SPON2: variants seen among roughly 807,000 people sequenced by gnomAD.
SPON2 encodes the protein spondin 2.
In SPON2, 32 loss-of-function variants were observed where a neutral mutation model predicts 29.9. The ratio of observed to expected loss-of-function variants is 1.07; its 90% CI spans 0.81 to 1.44. The LOEUF is 1.44. Ranked by LOEUF, SPON2 falls within the 40% of genes most tolerant of loss-of-function variation. SPON2 has a pLI of 0.00. For synonymous variants in SPON2, 248 were observed against 209.1 expected, an observed-to-expected ratio of 1.19 and a Z score of -1.61; for missense variants, 541 against 455.5, an observed-to-expected ratio of 1.19 and a Z score of -1.71.
intron 1 of SPON2, among the ~76,000 whole-genome samples, chr4:1,184,344 T>A (rs1250696689): frequency 1.3e-5 from 2 of 152,090 alleles, no homozygotes; most frequent in African/African-American, 2.4e-5. Flanking sequence ...TACACACACA[T>A]AATTCAGCTC....
chr4:1,168,072 T>C (rs1284200089), intron 5 of SPON2: 1 of 177,568 alleles, frequency 5.6e-6, no homozygotes, highest in Non-Finnish European at 1.2e-5. Context: ...ATTAGCTGTC[T>C]TGCGGGACCT....
chr4:1,171,109 A>G lies in SPON2; in HGVS notation c.526T>C (p.Trp176Arg). ...AGGTCCAGCGCCGCCTGTTCCCGCC[A>G]ACGGTCCCCGTCGCACAGGTCCAGG... Reference protein sequence around the residue: ...DSLDLCDGDRWREQAALDLYP... With the variant: ...DSLDLCDGDRRREQAALDLYP... Residue 176 changes from tryptophan (W) to arginine (R), a missense_variant, in exon 4 of 6, where the codon TGG (tryptophan) becomes CGG (arginine). Coordinates refer to ENST00000290902, the MANE Select transcript of SPON2 (RefSeq NM_012445.4). 1 of 1,551,220 alleles carries G rather than the reference A, an allele frequency of 6.4e-7. No individual in the cohort carries two copies. The highest frequency in any genetic ancestry group is 8.7e-7 in the Non-Finnish European group (1 of 1,147,216).
intron 1 of SPON2, among the ~76,000 whole-genome samples, chr4:1,186,013 G>A (rs1258080066): frequency 6.6e-6 from 1 of 151,158 alleles, no homozygotes; most frequent in East Asian, 2.0e-4. Flanking sequence ...GGGAGGCCGA[G>A]GCGGGCGGAT....
At chr4:1,204,387 A>T (rs1391550727) in intron 1 of SPON2, among the ~76,000 whole-genome samples, 2 of 151,022 alleles carry the variant, frequency 1.3e-5, no homozygotes, top group East Asian at 1.9e-4. Flanking sequence ...ACGGGCACTG[A>T]CTGTCTGCAG....
chr4:1,172,294 G>A, intron 1 of SPON2: 2 of 593,532 alleles, frequency 3.4e-6, no homozygotes, highest in Non-Finnish European at 6.0e-6. Context: ...GCGACCAGGG[G>A]TAACGGGCAG....
At chr4:1,174,498 A>C (rs1460397969), upstream of SPON2, among the ~76,000 whole-genome samples, 8 of 150,008 alleles carry the variant, frequency 5.3e-5, no homozygotes, top group South Asian at 4.2e-4. Flanking sequence ...AAAAAAAAAA[A>C]AAAACAAAAA....
At chr4:1,179,132 G>A (rs1330303344) in intron 2 of SPON2, among the ~76,000 whole-genome samples, 2 of 152,320 alleles carry the variant, frequency 1.3e-5, no homozygotes, top group East Asian at 3.9e-4. Context: ...TCATCCCCCT[G>A]CTCTTCTCTG....
rs563742194 is a variant in SPON2 at position 1,172,088 on chromosome 4, G to A, written c.-3-14C>T. The A allele has an allele frequency of 1.9e-6, 3 of 1,606,450 alleles. 1 individual carries two copies. Among genetic ancestry groups the A allele is most frequent in the Middle Eastern group, 2.1e-4 (1 of 4,754 alleles). On this transcript the variant is annotated splice_polypyrimidine_tract_variant and intron_variant, in intron 1 of 5. Coordinates refer to ENST00000290902, the MANE Select transcript of SPON2 (RefSeq NM_012445.4). Reference sequence around the variant, plus strand: ...GTTTTCCATCACCTGGGAGCACAGAGGGGAGCAGCCGCGCGCTGGCACCGT... The same window carrying A: ...GTTTTCCATCACCTGGGAGCACAGAAGGGAGCAGCCGCGCGCTGGCACCGT...
upstream of SPON2, among the ~76,000 whole-genome samples, chr4:1,175,773 G>C (rs1448611476): frequency 6.6e-6 from 1 of 152,064 alleles, no homozygotes; most frequent in East Asian, 1.9e-4. Context: ...TAGGATGTAG[G>C]GCAGTGGTGG....
intron 1 of SPON2, among the ~76,000 whole-genome samples, chr4:1,187,256 A>C (rs1324583643): frequency 2.0e-5 from 3 of 152,238 alleles, no homozygotes; most frequent in African/African-American, 7.2e-5. Context: ...GCTAAGTAAA[A>C]TAAGCCAGTC....
Position 1,171,296 on chromosome 4 carries a change from C to T in SPON2, c.411G>A (p.Ser137=), listed in dbSNP as rs763091912. Residue 137 remains serine (S), a synonymous_variant, in exon 3 of 6, where the codon TCG becomes TCA. Coordinates refer to ENST00000290902, the MANE Select transcript of SPON2 (RefSeq NM_012445.4). ...GCCTGCGCTGCACCTCCAGCTCCGC[C>T]GACGTCTGCCCGGTGCCGCTGGGGA... The part of the protein sequence containing the change: ...PAVPSGTGQT[S]AELEVQRRHS... 8 of 1,584,426 alleles carry T rather than the reference C, an allele frequency of 5.0e-6. No individual in the cohort carries two copies. In the South Asian group the frequency reaches 6.8e-5, roughly 13 times the overall value.
chr4:1,199,876 G>A (rs1728153215), upstream of SPON2: 1 of 152,296 alleles, frequency 6.6e-6, no homozygotes, highest in South Asian at 2.1e-4. The surrounding 1 kb of genome is among the most constrained non-coding windows in gnomAD (Gnocchi z 4.5). Flanking sequence ...AATTTGGCGA[G>A]AAAGGTGGGG....
intron 2 of SPON2, 25 bp downstream of exon 2, chr4:1,171,827 G>T (rs1727461461): frequency 5.1e-6 from 8 of 1,555,000 alleles, no homozygotes; most frequent in Non-Finnish European, 7.1e-6. Flanking sequence ...GGTGGAGCAG[G>T]AGGCGAGGAG....
chr4:1,196,183 G>A (rs933299525), upstream of SPON2, among the ~76,000 whole-genome samples: 2 of 152,220 alleles, frequency 1.3e-5, no homozygotes, highest in Non-Finnish European at 2.9e-5. Flanking sequence ...GGCTCATGGG[G>A]GAGGCCCTTC....
At position 1,167,443 on chromosome 4, in the gene SPON2, G is replaced by A; in HGVS notation, c.*29C>T. On this transcript the variant is annotated 3_prime_UTR_variant, in exon 6 of 6. Transcript: ENST00000290902. ...AGCCCCCGACACCCCATGGCTCCGG[G>A]GGGCCCCAGGGGCTGCGGGGCTCTG... The A allele has an allele frequency of 6.3e-7, 1 of 1,598,074 alleles. No homozygotes were observed. The highest frequency in any genetic ancestry group is 8.5e-7 in the Non-Finnish European group (1 of 1,170,896).
intron 1 of SPON2, chr4:1,204,957 T>G (rs1728303451): frequency 6.6e-6 from 1 of 152,282 alleles, no homozygotes; most frequent in African/African-American, 2.4e-5. Flanking sequence ...CTGAATTTTG[T>G]GCACAGCCAC....
chr4:1,176,419 C>T (rs1249861887), upstream of SPON2, among the ~76,000 whole-genome samples: 2 of 152,204 alleles, frequency 1.3e-5, no homozygotes, highest in African/African-American at 2.4e-5. Flanking sequence ...TTCATTCATC[C>T]ACCCATTCAA....
At chr4:1,184,511 C>A (rs1413986352) in intron 1 of SPON2, among the ~76,000 whole-genome samples, 1 of 152,100 alleles carries the variant, frequency 6.6e-6, no homozygotes, top group African/African-American at 2.4e-5. Context: ...CCGCAAGTAG[C>A]CAAAATAATC....
At chr4:1,194,066 A>G (rs1727981083) in intron 1 of SPON2, among the ~76,000 whole-genome samples, 1 of 151,984 alleles carries the variant, frequency 6.6e-6, no homozygotes, top group South Asian at 2.1e-4. Flanking sequence ...TGCAGCCACA[A>G]GCTTTGAAGT....
Sources: gnomAD v4.1 joint callset for allele counts (sites outside exome capture counted in the v4.1 genomes callset) on GRCh38, gnomAD v4.1.1 for gene constraint, Gnocchi (gnomAD v3.1) non-coding constraint, MANE v1.5 for transcripts, NCBI Gene and HGNC (gene_info 2026-07-23, HGNC 2026-07-21) for gene names.